PIK3CD: variants seen among roughly 807,000 people sequenced by gnomAD.
PIK3CD encodes phosphatidylinositol 4,5-bisphosphate 3-kinase catalytic subunit delta isoform.
PIK3CD carries 20 observed loss-of-function variants against 122.9 expected under a neutral mutation model. The observed-to-expected ratio is 0.16, with a 90% CI of 0.11 to 0.24. The LOEUF (loss-of-function observed/expected upper bound fraction) is 0.24, where lower values mean the gene tolerates loss of function less well. Ranked by LOEUF, PIK3CD falls within the 10% of genes least tolerant of loss-of-function variation. PIK3CD has a pLI of 1.00. For synonymous variants in PIK3CD, 596 were observed against 593.4 expected, an observed-to-expected ratio of 1.00 and a Z score of -0.06; for missense variants, 787 against 1,406.3, an observed-to-expected ratio of 0.56 and a Z score of 7.04.
chr1:9,628,931 T>C, the PIK3CD span, among the ~76,000 whole-genome samples: 3 of 150,128 alleles, frequency 2.0e-5, no homozygotes, highest in Non-Finnish European at 3.0e-5. Flanking sequence ...GGGAACTCCA[T>C]GGGAAGGTCC....
Position 9,723,337 on chromosome 1 carries a change from G to C in PIK3CD, c.2594+45G>C. Reference sequence around the variant, plus strand: ...ATAGGTTCCCTCTCCTTTCCAAGAGGTGTGGAGTGGGAGGGCCTCGCCTGT... The same window carrying C: ...ATAGGTTCCCTCTCCTTTCCAAGAGCTGTGGAGTGGGAGGGCCTCGCCTGT... On this transcript the variant is annotated intron_variant, in intron 20 of 23. Coordinates refer to ENST00000377346, the MANE Select transcript of PIK3CD (RefSeq NM_005026.5). The surrounding 1 kb of genome is among the most constrained non-coding windows in gnomAD (Gnocchi z 4.9). The C allele has an allele frequency of 6.3e-7, 1 of 1,598,942 alleles. No individual in the cohort carries two copies. Among genetic ancestry groups the C allele is most frequent in the Non-Finnish European group, 8.6e-7 (1 of 1,166,692 alleles).
chr1:9,692,978 A>G (rs1646263465), intron 2 of PIK3CD, among the ~76,000 whole-genome samples: 1 of 152,162 alleles, frequency 6.6e-6, no homozygotes, highest in South Asian at 2.1e-4. Context: ...ACATCTATTT[A>G]TACTGACTTG....
At position 9,717,370 on chromosome 1, in the gene PIK3CD, C is replaced by T. The variant is rs1036216285; in HGVS notation, c.931-167C>T. On this transcript the variant is annotated intron_variant, in intron 7 of 23. Coordinates refer to ENST00000377346, the MANE Select transcript of PIK3CD (RefSeq NM_005026.5). This position sits in a 1 kb window ranked among gnomAD's most constrained non-coding sequence, Gnocchi z 5.4. ...GGGTGTTGGGGCCCCCTGGGGAGCC[C>T]GCATGGCAGGTTTTCTGGGAAAGGA... is the stretch of plus-strand genomic sequence containing the variant. Among the ~76,000 whole-genome samples the T allele has an allele frequency of 1.3e-5, 2 of 149,860 alleles. No individual in the cohort carries two copies. Among genetic ancestry groups the T allele is most frequent in the African/African-American group, 4.8e-5 (2 of 41,350 alleles).
rs1265093684 is a variant in PIK3CD at position 9,715,486 on chromosome 1, C to T, written c.142-55C>T. ...CAGCTCTCCACCCTCCCTCAGCCTC[C>T]CACCTCCCAGTGGCTGCCTTGGGTG... On this transcript the variant is annotated intron_variant, in intron 3 of 23. Transcript: ENST00000377346. This position sits in a 1 kb window ranked among gnomAD's most constrained non-coding sequence, Gnocchi z 4.1. 6.5e-6 allele frequency: 10 copies of T among 1,526,840 alleles called. No homozygotes were observed. Among genetic ancestry groups the T allele is most frequent in the Non-Finnish European group, 8.1e-6 (9 of 1,106,560 alleles). 94.6% of individuals were successfully genotyped at this position (1,526,840 alleles called of 1,614,324 possible).
chr1:9,696,642 C>T (rs902780078), intron 2 of PIK3CD, among the ~76,000 whole-genome samples: 5 of 148,582 alleles, frequency 3.4e-5, no homozygotes, highest in African/African-American at 7.5e-5. Context: ...CACAGCTACT[C>T]GGGAGGCTGA....
rs1162434337 is a variant in PIK3CD at position 9,691,559 on chromosome 1, C to T, written c.-45C>T. On this transcript the variant is annotated 5_prime_UTR_variant, in exon 2 of 24. Transcript: ENST00000377346. ...GGGGGCTTTGCTGGTCTTTCTTGGACTATTCCAGAGAGGTAGGTTGGGGGA... is the reference window on the plus strand; with the variant it reads ...GGGGGCTTTGCTGGTCTTTCTTGGATTATTCCAGAGAGGTAGGTTGGGGGA... 2 of 398,412 alleles carry T rather than the reference C, an allele frequency of 5.0e-6. No homozygotes were observed. The highest frequency in any genetic ancestry group is 8.8e-6 in the Non-Finnish European group (2 of 226,108). The allele number at this position is 398,412 out of a possible 1,614,324, so 24.7% of individuals were successfully genotyped here.
rs572331022 is a variant in PIK3CD, at chr1:9,694,475, G to A, written c.-33+2904G>A. Among the ~76,000 whole-genome samples, 4 of 152,142 alleles carry A rather than the reference G, an allele frequency of 2.6e-5. No homozygotes were observed. The South Asian group carries it at 8.3e-4, about 32-fold the overall frequency. On this transcript the variant is annotated intron_variant, in intron 2 of 23. Coordinates refer to ENST00000377346, the MANE Select transcript of PIK3CD (RefSeq NM_005026.5). Reference sequence around the variant, plus strand: ...CTTGAACCTGGGAGGTGGAGGTTGCGGTGAGCCAAGATCACGCCACTGCAC... The same window carrying A: ...CTTGAACCTGGGAGGTGGAGGTTGCAGTGAGCCAAGATCACGCCACTGCAC...
At chr1:9,629,867 C>G in the PIK3CD span, among the ~76,000 whole-genome samples, 1 of 152,220 alleles carries the variant, frequency 6.6e-6, no homozygotes, top group Non-Finnish European at 1.5e-5. Context: ...TCGCTCTCCA[C>G]TTCCTGTTTT....
chr1:9,712,437 C>G (rs1038958564), intron 3 of PIK3CD, among the ~76,000 whole-genome samples: 4 of 152,024 alleles, frequency 2.6e-5, no homozygotes, highest in Admixed American at 2.6e-4. Flanking sequence ...CGTGCCACCA[C>G]GCCCGGCTAA....
At chr1:9,646,316 C>CA in the PIK3CD span, among the ~76,000 whole-genome samples, 1 of 152,148 alleles carries the variant, frequency 6.6e-6, no homozygotes, top group Non-Finnish European at 1.5e-5. Flanking sequence ...ATAGTTGGGA[C>CA]AGCCCGCCGT....
rs2100910295 is a variant in PIK3CD at position 9,718,928 on chromosome 1, G to A, written c.1242+13G>A. 1.2e-6 allele frequency: 2 copies of A among 1,610,100 alleles called. No individual in the cohort carries two copies. Among genetic ancestry groups the A allele is most frequent in the Non-Finnish European group, 1.7e-6 (2 of 1,178,994 alleles). ...GTCCAAGAAGGCGGTGGGTCCCAGG[G>A]CCGGCTGGGAGGGGTGCAGACCCCG... On this transcript the variant is annotated intron_variant, in intron 9 of 23. Coordinates refer to ENST00000377346, the MANE Select transcript of PIK3CD (RefSeq NM_005026.5). The surrounding 1 kb of genome is among the most constrained non-coding windows in gnomAD (Gnocchi z 7.2).
chr1:9,721,748 C>A lies in PIK3CD; in HGVS notation c.1956-13C>A. 6.2e-7 allele frequency: 1 copy of A among 1,612,714 alleles called. No homozygotes were observed. Among genetic ancestry groups the A allele is most frequent in the South Asian group, 1.1e-5 (1 of 91,048 alleles). ...GCTGCCTGGTGAGGCTCAGCCCTCC[C>A]TTCACCTTCCAGCTCCGAGATGCAC... On this transcript the variant is annotated splice_polypyrimidine_tract_variant and intron_variant, in intron 15 of 23. Coordinates refer to ENST00000377346, the MANE Select transcript of PIK3CD (RefSeq NM_005026.5).
At chr1:9,726,258 C>T (rs1290716972) in intron 23 of PIK3CD, among the ~76,000 whole-genome samples, 1 of 152,108 alleles carries the variant, frequency 6.6e-6, no homozygotes, top group African/African-American at 2.4e-5. Context: ...CCTGTAAACC[C>T]AGCACTTTGG....
chr1:9,679,971 C>T (rs1645687916), intron 1 of PIK3CD, among the ~76,000 whole-genome samples: 1 of 151,782 alleles, frequency 6.6e-6, no homozygotes, highest in Non-Finnish European at 1.5e-5. Flanking sequence ...ATTACAGGCG[C>T]CCACCACCAC....
At chr1:9,685,452 A>G (rs772039673) in intron 1 of PIK3CD, among the ~76,000 whole-genome samples, 59 of 152,040 alleles carry the variant, frequency 3.9e-4, no homozygotes, top group Non-Finnish European at 7.8e-4. Flanking sequence ...TCCGCCTCCC[A>G]GGTTCAAGCG....
intron 1 of PIK3CD, among the ~76,000 whole-genome samples, chr1:9,681,579 A>G (rs1645753889): frequency 6.6e-6 from 1 of 151,980 alleles, no homozygotes. Flanking sequence ...TAGTTTCTGT[A>G]TTTTTAGTAG....
chr1:9,646,681 G>C, the PIK3CD span, among the ~76,000 whole-genome samples: 31 of 152,294 alleles, frequency 2.0e-4, no homozygotes, highest in African/African-American at 7.2e-4. Flanking sequence ...AGCCAGGTGT[G>C]GTGGCTCACG....
In PIK3CD at chr1:9,651,810, A is replaced by C. The variant is rs1213087242; in HGVS notation, c.-138+8A>C. ...GCCAGCTGCGCCGGGACGGTAAGCG[A>C]TCGCCGCTGGCTGCGTCAGGGGAGG... On this transcript the variant is annotated splice_region_variant and intron_variant, in intron 1 of 23. Transcript: ENST00000377346. The C allele has an allele frequency of 2.0e-5, 3 of 151,988 alleles. No homozygotes were observed. Among genetic ancestry groups the C allele is most frequent in the African/African-American group, 7.2e-5 (3 of 41,408 alleles). 9.4% of individuals were successfully genotyped at this position (151,988 alleles called of 1,614,324 possible). A position where few individuals can be genotyped will look rare whatever the true frequency, so the allele number is the denominator to read the frequency against.
chr1:9,673,366 C>G (rs533342036), intron 1 of PIK3CD, among the ~76,000 whole-genome samples: 1 of 152,172 alleles, frequency 6.6e-6, no homozygotes, highest in East Asian at 1.9e-4. Context: ...TTCAAGCAAA[C>G]CTCTTGCCTC....
Sources: gnomAD v4.1 joint callset for allele counts (sites outside exome capture counted in the v4.1 genomes callset) on GRCh38, gnomAD v4.1.1 for gene constraint, Gnocchi (gnomAD v3.1) non-coding constraint, MANE v1.5 for transcripts, NCBI Gene and HGNC (gene_info 2026-07-23, HGNC 2026-07-21) for gene names.